SOX13: variants seen among roughly 807,000 people sequenced by gnomAD.
SOX13 encodes transcription factor SOX-13.
In SOX13, 28 loss-of-function variants were observed where a neutral mutation model predicts 71.8. The ratio of observed to expected loss-of-function variants is 0.39; its 90% CI spans 0.29 to 0.53. The LOEUF is 0.53. Ranked by LOEUF, SOX13 falls within the 20% of genes least tolerant of loss-of-function variation. The pLI, the probability that SOX13 is intolerant of heterozygous loss-of-function variation, is 0.70. For synonymous variants in SOX13, 309 were observed against 317.8 expected (o/e 0.97, Z 0.29); for missense variants, 627 against 810.3 (o/e 0.77, Z 2.75).
chr1:204,125,068 T>G (rs1656893341), intron 13 of SOX13, among the ~76,000 whole-genome samples: 1 of 152,108 alleles, frequency 6.6e-6, no homozygotes, highest in African/African-American at 2.4e-5. Context: ...GAGCACTCAG[T>G]GGCTGAGGAT....
At chr1:204,097,693 CAAAAAA>C (rs35230746) in intron 1 of SOX13, among the ~76,000 whole-genome samples, 1 of 69,986 alleles carries the variant, frequency 1.4e-5, no homozygotes, top group African/African-American at 5.0e-5. Flanking sequence ...AACTCCGTCT[CAAAAAA>C]AAAAAAAAAG....
intron 7 of SOX13, chr1:204,119,579 C>A (rs1208381777): frequency 1.3e-5 from 2 of 152,220 alleles, no homozygotes; most frequent in East Asian, 1.9e-4. Context: ...CACATTCAGA[C>A]CATAGCATTC....
rs868653143 is a variant in SOX13, at chr1:204,073,235, G to A, written c.-478G>A. On this transcript the variant is annotated 5_prime_UTR_variant, in exon 1 of 14. Coordinates refer to ENST00000367204, the MANE Select transcript of SOX13 (RefSeq NM_005686.3). The surrounding 1 kb of genome is among the most constrained non-coding windows in gnomAD (Gnocchi z 6.8). Reference sequence around the variant, plus strand: ...CGGCGAGCCCAGGTCTGAGCCCAGAGCTCAGCGGTCAGCCTCGTAGGCCCT... The same window carrying A: ...CGGCGAGCCCAGGTCTGAGCCCAGAACTCAGCGGTCAGCCTCGTAGGCCCT... 1 of 152,302 alleles carries A rather than the reference G, an allele frequency of 6.6e-6. No individual in the cohort carries two copies. The highest frequency in any genetic ancestry group is 2.4e-5 in the African/African-American group (1 of 41,456). 9.4% of individuals were successfully genotyped at this position (152,302 alleles called of 1,614,324 possible).
chr1:204,082,285 C>T (rs1279652372), intron 1 of SOX13, among the ~76,000 whole-genome samples: 1 of 151,818 alleles, frequency 6.6e-6, no homozygotes, highest in Non-Finnish European at 1.5e-5. Context: ...CAGGCAGGGG[C>T]CTGTGCTCTG....
At chr1:204,104,809 T>A (rs1005929496) in intron 1 of SOX13, among the ~76,000 whole-genome samples, 3 of 152,296 alleles carry the variant, frequency 2.0e-5, no homozygotes, top group Admixed American at 1.3e-4. Flanking sequence ...TGACTGGAAT[T>A]TATCTCTATC....
chr1:204,081,695 A>C lies in SOX13; in HGVS notation c.-2+7984A>C, dbSNP rs796577374. 3.5e-4 allele frequency among the ~76,000 whole-genome samples: 54 copies of C among 152,296 alleles called. No homozygotes were observed. Among genetic ancestry groups the C allele is most frequent in the African/African-American group, 1.3e-3 (52 of 41,580 alleles). On this transcript the variant is annotated intron_variant, in intron 1 of 13. Transcript: ENST00000367204. The surrounding 1 kb of genome is among the most constrained non-coding windows in gnomAD (Gnocchi z 4.3). ...CACAAGGCAGGACCTGGCACTCCTC[A>C]GAGTGGAGGGTGAGGAGGGTTTTCT...
At chr1:204,079,044 A>G (rs1655843147) in intron 1 of SOX13, among the ~76,000 whole-genome samples, 2 of 152,248 alleles carry the variant, frequency 1.3e-5, no homozygotes, top group South Asian at 4.1e-4. Context: ...CACGCCTGTA[A>G]TCCCAGCAGT....
chr1:204,123,055 G>A lies in SOX13; in HGVS notation c.1135-57G>A. On this transcript the variant is annotated intron_variant, in intron 10 of 13. Transcript: ENST00000367204. This position sits in a 1 kb window ranked among gnomAD's most constrained non-coding sequence, Gnocchi z 5.0. ...TCTGAGGCCACCAAGAGAGGAGCAT[G>A]GGGAGGAGTGGGGTGATGCAGAGGA... The A allele has an allele frequency of 4.6e-6, 7 of 1,521,638 alleles. No homozygotes were observed. The highest frequency in any genetic ancestry group is 6.4e-6 in the Non-Finnish European group (7 of 1,098,076). The allele number at this position is 1,521,638 out of a possible 1,614,324, so 94.3% of individuals were successfully genotyped here.
Position 204,123,269 on chromosome 1 carries a change from C to T in SOX13, c.1231+61C>T. The T allele has an allele frequency of 7.3e-7, 1 of 1,366,100 alleles. No homozygotes were observed. The highest frequency in any genetic ancestry group is 1.0e-6 in the Non-Finnish European group (1 of 955,322). 84.6% of individuals were successfully genotyped at this position (1,366,100 alleles called of 1,614,324 possible). ...GCCCAACTCTGTATTCCACCAGGGC[C>T]AGGGCTGTGTCTGCCTCTGATCTCT... On this transcript the variant is annotated intron_variant, in intron 11 of 13. Coordinates refer to ENST00000367204, the MANE Select transcript of SOX13 (RefSeq NM_005686.3). The surrounding 1 kb of genome is among the most constrained non-coding windows in gnomAD (Gnocchi z 5.0).
intron 1 of SOX13, among the ~76,000 whole-genome samples, chr1:204,110,743 A>G (rs1178162479): frequency 6.6e-6 from 1 of 152,148 alleles, no homozygotes; most frequent in Non-Finnish European, 1.5e-5. Context: ...CATTTTACAG[A>G]GTTGATGCAA....
intron 9 of SOX13, 56 bp downstream of exon 9, chr1:204,122,455 G>T: frequency 7.0e-7 from 1 of 1,434,102 alleles, no homozygotes. Context: ...AGAGCCGGCG[G>T]CATGATGCGA....
intron 1 of SOX13, among the ~76,000 whole-genome samples, chr1:204,087,281 G>A (rs556424585): frequency 6.6e-6 from 1 of 152,012 alleles, no homozygotes; most frequent in East Asian, 1.9e-4. Flanking sequence ...CATCACCTGG[G>A]TAGATAAGTC....
chr1:204,093,585 T>C (rs1261928236), intron 1 of SOX13, among the ~76,000 whole-genome samples: 3 of 152,194 alleles, frequency 2.0e-5, no homozygotes, highest in Admixed American at 1.3e-4. Flanking sequence ...AGAGAAGCCT[T>C]GTCACTGGCT....
At chr1:204,116,310 T>C in intron 4 of SOX13, 197 bp from the exon 5 acceptor site, 1 of 1,536,788 alleles carries the variant, frequency 6.5e-7, no homozygotes, top group South Asian at 1.2e-5. Context: ...ACTTCTAGGC[T>C]AGTAGTTGCC....
intron 1 of SOX13, chr1:204,074,019 G>C (rs1484131013): frequency 6.6e-6 from 1 of 151,744 alleles, no homozygotes; most frequent in Non-Finnish European, 1.5e-5. Context: ...GCGCGCGCGC[G>C]TTCACCACGC....
At chr1:204,104,540 T>G (rs771855510) in intron 1 of SOX13, among the ~76,000 whole-genome samples, 1 of 152,254 alleles carries the variant, frequency 6.6e-6, no homozygotes, top group Admixed American at 6.5e-5. Flanking sequence ...CCTGAGGTTC[T>G]CAGCTCTCTG....
chr1:204,086,911 A>G (rs1254307653), intron 1 of SOX13, among the ~76,000 whole-genome samples: 4 of 129,696 alleles, frequency 3.1e-5, no homozygotes, highest in Non-Finnish European at 6.3e-5. Flanking sequence ...CAAGGAGACA[A>G]TGGTCTTTCT....
chr1:204,122,022 C>T (rs371253588), intron 8 of SOX13, 37 bp downstream of exon 8: 9 of 1,455,022 alleles, frequency 6.2e-6, no homozygotes, highest in South Asian at 4.7e-5. Context: ...GGCTCCCTCT[C>T]GAGCTTATGA....
intron 1 of SOX13, among the ~76,000 whole-genome samples, chr1:204,075,362 C>T (rs1430111290): frequency 6.6e-6 from 1 of 151,818 alleles, no homozygotes; most frequent in African/African-American, 2.4e-5. Flanking sequence ...ACTCCGTAAT[C>T]TGCGCCTCGG....
Sources: allele counts gnomAD v4.1 joint callset (sites outside exome capture counted in the v4.1 genomes callset), GRCh38; gene constraint gnomAD v4.1.1; non-coding constraint Gnocchi (gnomAD v3.1); transcripts MANE v1.5; gene names NCBI Gene and HGNC (gene_info 2026-07-23, HGNC 2026-07-21).